SYNE1: variants seen among roughly 807,000 people sequenced by gnomAD.
SYNE1 encodes spectrin repeat containing nuclear envelope protein 1.
SYNE1 carries 616 observed loss-of-function variants against 1,111.0 expected under a neutral mutation model. The ratio of observed to expected loss-of-function variants is 0.55; its 90% CI spans 0.52 to 0.59. The LOEUF (loss-of-function observed/expected upper bound fraction) is 0.59. Ranked by LOEUF, SYNE1 falls within the 20% of genes least tolerant of loss-of-function variation. The pLI is 0.00. For synonymous variants in SYNE1, 3,855 were observed against 3,825.8 expected (o/e 1.01, Z -0.28); for missense variants, 10,006 against 10,417.0 (o/e 0.96, Z 1.72).
chr6:152,216,683 G>C (rs1031162330), intron 121 of SYNE1, among the ~76,000 whole-genome samples: 14 of 152,148 alleles, frequency 9.2e-5, no homozygotes, highest in Non-Finnish European at 2.1e-4. Flanking sequence ...GAAACCTTGA[G>C]AGCTTTAACC....
intron 56 of SYNE1, among the ~76,000 whole-genome samples, chr6:152,377,391 C>A (rs2097300126): frequency 6.6e-6 from 1 of 151,262 alleles, no homozygotes; most frequent in Admixed American, 6.6e-5. Flanking sequence ...GGGTGGATCA[C>A]CTGAGGTCAG....
rs534068418 is a variant in SYNE1 at position 152,373,229 on chromosome 6, A to G, written c.9325-10T>C. The G allele has an allele frequency of 5.6e-6, 9 of 1,605,656 alleles. No individual in the cohort carries two copies. The highest frequency in any genetic ancestry group is 2.2e-5 in the East Asian group (1 of 44,838). Reference sequence around the variant, plus strand: ...TTTCTGACAAAAACTCCTATAAAAGAAAATATAGAATTAGCCATAATGAAA... The same window carrying G: ...TTTCTGACAAAAACTCCTATAAAAGGAAATATAGAATTAGCCATAATGAAA... On this transcript the variant is annotated splice_polypyrimidine_tract_variant and intron_variant, in intron 58 of 145. Transcript: ENST00000367255.
chr6:152,443,677 A>G (rs2154237820), intron 30 of SYNE1, among the ~76,000 whole-genome samples: 1 of 152,296 alleles, frequency 6.6e-6, no homozygotes, highest in South Asian at 2.1e-4. Context: ...ATATATGTAT[A>G]TAATACACAC....
chr6:152,323,333 A>G, intron 82 of SYNE1, 145 bp downstream of exon 82: 4 of 1,262,742 alleles, frequency 3.2e-6, no homozygotes, highest in Non-Finnish European at 4.4e-6. Context: ...AGCTACTCAG[A>G]GAGGCTGAGG....
rs368904376 is a variant in SYNE1, at chr6:152,236,963, T to G, written c.20068-15A>C. On this transcript the variant is annotated splice_polypyrimidine_tract_variant and intron_variant, in intron 108 of 145. Coordinates refer to ENST00000367255, the MANE Select transcript of SYNE1 (RefSeq NM_182961.4). ...TGGGACCACGTCTAGAAACACAACATGAGTCTGTGAGCTAAAAAAACCCTC... is the reference window on the plus strand; with the variant it reads ...TGGGACCACGTCTAGAAACACAACAGGAGTCTGTGAGCTAAAAAAACCCTC... 1.8e-5 allele frequency: 29 copies of G among 1,610,162 alleles called. No individual in the cohort carries two copies. The African/African-American group carries it at 3.5e-4, about 19-fold the overall frequency.
At chr6:152,565,669 TAA>T (rs397886571) in intron 3 of SYNE1, among the ~76,000 whole-genome samples, 35 of 141,502 alleles carry the variant, frequency 2.5e-4, no homozygotes, top group Admixed American at 2.8e-4. Context: ...TGCTGAAGTT[TAA>T]AAAAAAAAAA....
intron 104 of SYNE1, among the ~76,000 whole-genome samples, chr6:152,253,832 T>TG (rs1562527758): frequency 1.6e-5 from 1 of 61,704 alleles, no homozygotes; most frequent in African/African-American, 1.1e-4. Context: ...TTTTTTTTTT[T>TG]TTTTTTTTTT....
At chr6:152,242,796 C>T (rs548550609) in intron 106 of SYNE1, among the ~76,000 whole-genome samples, 4 of 151,368 alleles carry the variant, frequency 2.6e-5, no homozygotes, top group East Asian at 1.9e-4. Context: ...TAAAGCACAA[C>T]GGAGAAACTG....
intron 66 of SYNE1, among the ~76,000 whole-genome samples, chr6:152,357,863 C>T (rs2171758): frequency 0.49 from 75,199 of 151,958 alleles, 19,838 homozygotes; most frequent in Non-Finnish European, 0.59. Flanking sequence ...GAATTATGGC[C>T]CGCTGGCCTG....
chr6:152,407,335 A>G (rs1592061351), intron 44 of SYNE1, 139 bp from the exon 45 acceptor site: 1 of 817,736 alleles, frequency 1.2e-6, no homozygotes, highest in Non-Finnish European at 2.0e-6. Flanking sequence ...TTGTAATCTA[A>G]TAAGTGCACC....
Position 152,436,045 on chromosome 6 carries a change from T to G in SYNE1, c.4206A>C (p.Glu1402Asp). The G allele has an allele frequency of 6.2e-7, 1 of 1,614,122 alleles. No homozygotes were observed. Among genetic ancestry groups the G allele is most frequent in the Non-Finnish European group, 8.5e-7 (1 of 1,180,024 alleles). ...IAVQAENLVK[E>D]ASEIPLGPQN... ...GGGGCCCAAGCGGTATCTCTGAAGC[T>G]TCCTTTACAAGGTTCTCAGCCTGGA... Residue 1402 changes from glutamate (E) to aspartate (D), a missense_variant, in exon 33 of 146, where the codon GAA becomes GAC. By Grantham distance (45) the Glu-to-Asp change is conservative. Transcript: ENST00000367255.
At chr6:152,132,761 G>T (rs375356574) in intron 143 of SYNE1, among the ~76,000 whole-genome samples, 3 of 151,988 alleles carry the variant, frequency 2.0e-5, no homozygotes, top group African/African-American at 7.3e-5. Flanking sequence ...ATCTTACCAG[G>T]CATCACCACA....
Position 152,186,954 on chromosome 6 carries a change from T to C in SYNE1, c.23301+2298A>G, listed in dbSNP as rs79550796. On this transcript the variant is annotated intron_variant, in intron 128 of 145. Transcript: ENST00000367255. ...GATACATCATGATAAAGTCTTTACA[T>C]TGCAAAATTATAGGATGATTTACTG... Among the ~76,000 whole-genome samples the C allele has an allele frequency of 8.7e-3, 1,319 of 152,294 alleles. 5 individuals are homozygous for C. Among genetic ancestry groups the C allele is most frequent in the Non-Finnish European group, 0.013 (900 of 68,026 alleles).
At chr6:152,254,779 A>C in intron 104 of SYNE1, 101 bp downstream of exon 104, 1 of 1,054,826 alleles carries the variant, frequency 9.5e-7, no homozygotes, top group Non-Finnish European at 1.4e-6. Context: ...TTCATTACGC[A>C]TTTAGAAAAA....
chr6:152,427,893 G>A, intron 37 of SYNE1, 77 bp from the exon 38 acceptor site: 1 of 1,595,030 alleles, frequency 6.3e-7, no homozygotes, highest in Middle Eastern at 1.7e-4. Context: ...GAAGTTGGAG[G>A]GTCCAACACA....
At chr6:152,456,346 G>A (rs1390717135) in intron 22 of SYNE1, among the ~76,000 whole-genome samples, 1 of 151,774 alleles carries the variant, frequency 6.6e-6, no homozygotes, top group Non-Finnish European at 1.5e-5. Flanking sequence ...ATCAAAAGTT[G>A]TCTAGGTCTG....
In SYNE1 at chr6:152,336,925, A is replaced by G. The variant is rs2096403666; in HGVS notation, c.12444T>C (p.Asp4148=). Residue 4148 remains aspartate, a synonymous_variant, in exon 76 of 146, where the codon GAT becomes GAC. Transcript: ENST00000367255. ...LKSELWIYLQ[D]ADQQLQNMKR... ...TCATGTTCTGCAGTTGCTGATCAGC[A>G]TCTTGCAGGTAAATCCAGAGCTCAG... is the stretch of plus-strand genomic sequence containing the variant. 3.7e-6 allele frequency: 6 copies of G among 1,614,088 alleles called. No individual in the cohort carries two copies. The South Asian group carries it at 6.6e-5, about 18-fold the overall frequency.
At chr6:152,539,093 T>C (rs1013501101) in intron 4 of SYNE1, among the ~76,000 whole-genome samples, 6 of 152,158 alleles carry the variant, frequency 3.9e-5, no homozygotes, top group Admixed American at 6.6e-5. Context: ...CTTTACATAC[T>C]ACAGGCACCA....
chr6:152,433,614 C>A, intron 34 of SYNE1, 181 bp downstream of exon 34: 1 of 640,184 alleles, frequency 1.6e-6, no homozygotes, highest in Non-Finnish European at 2.7e-6. Flanking sequence ...ATAATTCCAA[C>A]TATAAATGTT....
Sources: allele counts gnomAD v4.1 joint callset (sites outside exome capture counted in the v4.1 genomes callset), GRCh38; gene constraint gnomAD v4.1.1; transcripts MANE v1.5; gene names NCBI Gene and HGNC (gene_info 2026-07-23, HGNC 2026-07-21).